Variants in GABRR2 observed in about 807,000 individuals in gnomAD.
GABRR2 encodes gamma-aminobutyric acid type A receptor subunit rho2, also known as gamma-aminobutyric acid receptor subunit rho-2.
Under a neutral mutation model 47.0 loss-of-function variants are expected in GABRR2, and 36 were observed. The ratio of observed to expected loss-of-function variants is 0.77; its 90% CI spans 0.59 to 1.01. The LOEUF (loss-of-function observed/expected upper bound fraction) is 1.01, where lower values mean the gene tolerates loss of function less well. Ranked by LOEUF, GABRR2 falls within the 50% of genes least tolerant of loss-of-function variation. The pLI, the probability that GABRR2 is intolerant of heterozygous loss-of-function variation, is 0.00. For missense variants in GABRR2, 587 were observed against 594.6 expected, an observed-to-expected ratio of 0.99 and a Z score of 0.13; for synonymous variants, 204 against 227.5, an observed-to-expected ratio of 0.90 and a Z score of 0.93.
chr6:89,302,790 G>A (rs568230380), intron 1 of GABRR2: 1 of 1,442,806 alleles, frequency 6.9e-7, no homozygotes, highest in Non-Finnish European at 9.5e-7. Flanking sequence ...CTACTTCGTG[G>A]AGTGGATCCC....
intron 2 of GABRR2, among the ~76,000 whole-genome samples, chr6:89,297,449 G>A (rs919676396): frequency 6.6e-6 from 1 of 151,848 alleles, no homozygotes; most frequent in East Asian, 1.9e-4. Flanking sequence ...CCTCATCTGG[G>A]GACAATAATA....
intron 2 of GABRR2, among the ~76,000 whole-genome samples, chr6:89,272,962 C>G (rs1398001994): frequency 6.6e-6 from 1 of 152,154 alleles, no homozygotes; most frequent in African/African-American, 2.4e-5. Flanking sequence ...CTGACTCCCC[C>G]ACGGCTCCCC....
chr6:89,271,808 G>T, intron 2 of GABRR2, 86 bp from the exon 3 acceptor site: 1 of 1,103,844 alleles, frequency 9.1e-7, no homozygotes, highest in Non-Finnish European at 1.4e-6. Flanking sequence ...CCCCCGGGGA[G>T]CCAGGACTGG....
rs774068412 is a variant in GABRR2 at position 89,265,768 on chromosome 6, A to G, written c.737-3T>C. The G allele has an allele frequency of 6.2e-7, 1 of 1,613,712 alleles. No homozygotes were observed. Among genetic ancestry groups the G allele is most frequent in the Admixed American group, 1.7e-5 (1 of 59,990 alleles). ...AATGTACAGACGGTTGTACCAGCCTAGGGGATGCAGGAAGAAGCCAATGAG... is the reference window on the plus strand; with the variant it reads ...AATGTACAGACGGTTGTACCAGCCTGGGGGATGCAGGAAGAAGCCAATGAG... On this transcript the variant is annotated splice_region_variant and splice_polypyrimidine_tract_variant and intron_variant, in intron 6 of 8. Coordinates refer to ENST00000402938, the MANE Select transcript of GABRR2 (RefSeq NM_002043.5).
chr6:89,258,972 G>T (rs1773676642), intron 8 of GABRR2, among the ~76,000 whole-genome samples: 1 of 151,090 alleles, frequency 6.6e-6, no homozygotes, highest in Non-Finnish European at 1.5e-5. Context: ...TGTTAGCAAT[G>T]TTGGATCTAG....
chr6:89,265,919 A>G (rs116811798), intron 6 of GABRR2, among the ~76,000 whole-genome samples, 154 bp from the exon 7 acceptor site: 237 of 152,352 alleles, frequency 1.6e-3, no homozygotes, highest in African/African-American at 5.5e-3. Flanking sequence ...TTTCTTTTCC[A>G]AAATCTAAGC....
chr6:89,291,667 G>A, intron 2 of GABRR2, among the ~76,000 whole-genome samples: 1 of 152,110 alleles, frequency 6.6e-6, no homozygotes, highest in Non-Finnish European at 1.5e-5. Flanking sequence ...TCCTCTCGGG[G>A]CAGAACTGAG....
At chr6:89,265,881 T>A in intron 6 of GABRR2, 116 bp from the exon 7 acceptor site, 2 of 975,894 alleles carry the variant, frequency 2.0e-6, no homozygotes, top group Non-Finnish European at 3.1e-6. Context: ...AAGTTGAAAT[T>A]AATGACCAGT....
intron 2 of GABRR2, among the ~76,000 whole-genome samples, chr6:89,283,375 C>A (rs1026565221): frequency 1.3e-5 from 2 of 151,834 alleles, no homozygotes; most frequent in African/African-American, 4.8e-5. Flanking sequence ...ATAGTGGAAA[C>A]AATTTAAATA....
chr6:89,296,499 G>C (rs1426825068), intron 2 of GABRR2, among the ~76,000 whole-genome samples: 1 of 152,236 alleles, frequency 6.6e-6, no homozygotes, highest in African/African-American at 2.4e-5. Flanking sequence ...GAAGGAAGGA[G>C]GAGTGGCCCC....
chr6:89,268,143 C>T (rs1163712732), intron 4 of GABRR2, 47 bp from the exon 5 acceptor site: 2 of 1,403,108 alleles, frequency 1.4e-6, no homozygotes, highest in South Asian at 1.2e-5. Flanking sequence ...GAATTATTGG[C>T]TCCTACATCT....
intron 2 of GABRR2, among the ~76,000 whole-genome samples, chr6:89,275,520 C>T (rs9294429): frequency 0.59 from 89,740 of 151,914 alleles, 26,556 homozygotes; most frequent in East Asian, 0.7. Flanking sequence ...GTGATCCGCC[C>T]GCCTCAGCCT....
chr6:89,279,966 T>G (rs1347672208), intron 2 of GABRR2, among the ~76,000 whole-genome samples: 1 of 151,870 alleles, frequency 6.6e-6, no homozygotes, highest in Non-Finnish European at 1.5e-5. Context: ...TCCCAGCACT[T>G]TGGGAGGCTG....
intron 3 of GABRR2, chr6:89,270,529 G>C (rs1774025567): frequency 6.6e-6 from 1 of 152,328 alleles, no homozygotes; most frequent in South Asian, 2.1e-4. Context: ...ATCCAAAGGG[G>C]CTGGCAATGT....
chr6:89,282,607 A>G (rs909094778), intron 2 of GABRR2, among the ~76,000 whole-genome samples: 1 of 152,230 alleles, frequency 6.6e-6, no homozygotes, highest in Non-Finnish European at 1.5e-5. Flanking sequence ...CAAAATATAT[A>G]GGAGTAGCAT....
At chr6:89,260,633 A>G (rs760404893) in intron 8 of GABRR2, among the ~76,000 whole-genome samples, 29 of 152,172 alleles carry the variant, frequency 1.9e-4, no homozygotes, top group Non-Finnish European at 2.9e-4. Flanking sequence ...TGGAAATCAC[A>G]CTTCAGTGAG....
At chr6:89,268,967 C>G in intron 4 of GABRR2, 44 bp downstream of exon 4, 2 of 1,565,792 alleles carry the variant, frequency 1.3e-6, no homozygotes, top group Non-Finnish European at 1.8e-6. Context: ...CCACACATAC[C>G]AGAAAGGCAC....
At chr6:89,301,870 A>T in intron 1 of GABRR2, 1 of 1,146,866 alleles carries the variant, frequency 8.7e-7, no homozygotes, top group Non-Finnish European at 1.3e-6. Flanking sequence ...TGAGCATGGC[A>T]TAGACCCCAG....
chr6:89,264,645 G>A (rs1363789468), intron 7 of GABRR2, 37 bp from the exon 8 acceptor site: 1 of 1,607,298 alleles, frequency 6.2e-7, no homozygotes, highest in South Asian at 1.1e-5. Flanking sequence ...GCTGACAGCG[G>A]TCTAGAACTG....
Sources: gnomAD v4.1 joint callset for allele counts (sites outside exome capture counted in the v4.1 genomes callset) on GRCh38, gnomAD v4.1.1 for gene constraint, MANE v1.5 for transcripts, NCBI Gene and HGNC (gene_info 2026-07-23, HGNC 2026-07-21) for gene names.